Variants in TMTC3 observed in about 807,000 individuals in gnomAD.
TMTC3 encodes protein O-mannosyl-transferase TMTC3.
A neutral mutation model predicts 92.2 loss-of-function variants in TMTC3; 52 were observed. That is an observed-to-expected ratio of 0.56 (90% CI 0.45 to 0.71). The LOEUF (loss-of-function observed/expected upper bound fraction) is 0.71, where lower values mean the gene tolerates loss of function less well. TMTC3 is among the 30% of genes least tolerant of loss of function. The pLI is 0.00. For missense variants in TMTC3, 896 were observed against 1,057.1 expected, an observed-to-expected ratio of 0.85 and a Z score of 2.11; for synonymous variants, 339 against 363.3, an observed-to-expected ratio of 0.93 and a Z score of 0.76.
In TMTC3 at chr12:88,176,172, T is replaced by A. The variant is rs186150020; in HGVS notation, c.1321-36T>A. The A allele has an allele frequency of 8.3e-5, 118 of 1,418,680 alleles. 2 individuals are homozygous for A. In the Admixed American group the frequency reaches 2.2e-3, roughly 27 times the overall value. The allele number at this position is 1,418,680 out of a possible 1,614,324, so 87.9% of individuals were successfully genotyped here. On this transcript the variant is annotated intron_variant, in intron 9 of 13. Transcript: ENST00000266712. ...TGTATGAACTGGAGTCATTTTTTTTTAATTGTAACTTTTTCTATCTGTGCT... is the reference window on the plus strand; with the variant it reads ...TGTATGAACTGGAGTCATTTTTTTTAAATTGTAACTTTTTCTATCTGTGCT...
At chr12:88,179,187 A>G (rs2041290388) in intron 10 of TMTC3, among the ~76,000 whole-genome samples, 1 of 152,112 alleles carries the variant, frequency 6.6e-6, no homozygotes, top group South Asian at 2.1e-4. Flanking sequence ...GTGGCATCTG[A>G]GGTTTCTTGG....
At chr12:88,147,212 A>G (rs2040886930) in intron 1 of TMTC3, among the ~76,000 whole-genome samples, 1 of 152,104 alleles carries the variant, frequency 6.6e-6, no homozygotes, top group East Asian at 1.9e-4. Flanking sequence ...GTTGTTCCCA[A>G]GTATAACTTT....
chr12:88,183,628 G>A lies in TMTC3; in HGVS notation c.1433-5215G>A, dbSNP rs2041343256. On this transcript the variant is annotated intron_variant, in intron 10 of 13. Coordinates refer to ENST00000266712, the MANE Select transcript of TMTC3 (RefSeq NM_181783.4). ...CTTTTTAGGTTATTCTGTGTAGTGC[G>A]GGACCAAAGCAGCCCTAACTAAGGG... Among the ~76,000 whole-genome samples the A allele has an allele frequency of 3.3e-5, 5 of 152,206 alleles. No individual in the cohort carries two copies. In the South Asian group the frequency reaches 8.3e-4, roughly 25 times the overall value.
intron 1 of TMTC3, among the ~76,000 whole-genome samples, chr12:88,147,105 TATTTA>T (rs1212756824): frequency 6.6e-6 from 1 of 151,016 alleles, no homozygotes; most frequent in African/African-American, 2.4e-5. Flanking sequence ...TATTTTAAAT[TATTTA>T]ATTTAACAAT....
chr12:88,191,058 A>T (rs192239318), intron 12 of TMTC3, among the ~76,000 whole-genome samples: 3 of 152,206 alleles, frequency 2.0e-5, no homozygotes, highest in Admixed American at 6.5e-5. Flanking sequence ...AGCAAAAAAA[A>T]AAGTTTTCTG....
intron 2 of TMTC3, among the ~76,000 whole-genome samples, chr12:88,153,021 A>T (rs1211702518): frequency 6.6e-6 from 1 of 152,156 alleles, no homozygotes; most frequent in Non-Finnish European, 1.5e-5. Flanking sequence ...TTGAAGAGGA[A>T]TTAATTGTCA....
chr12:88,181,334 T>C lies in TMTC3; in HGVS notation c.1432+5015T>C, dbSNP rs180816836. On this transcript the variant is annotated intron_variant, in intron 10 of 13. Transcript: ENST00000266712. ...TTGTTTGCCATAACCGATTAGGTTC[T>C]AGTCCTCTAGGGTTAACACCTGTTG... Among the ~76,000 whole-genome samples the C allele has an allele frequency of 3.0e-4, 45 of 152,316 alleles. No homozygotes were observed. The East Asian group carries it at 7.3e-3, about 25-fold the overall frequency.
At chr12:88,152,959 C>G (rs1439647725) in intron 2 of TMTC3, among the ~76,000 whole-genome samples, 1 of 152,092 alleles carries the variant, frequency 6.6e-6, no homozygotes, top group Non-Finnish European at 1.5e-5. Context: ...GGAGAGAATC[C>G]TGTGCTCTAA....
intron 10 of TMTC3, among the ~76,000 whole-genome samples, chr12:88,184,775 AATAT>A (rs143465873): frequency 2.5e-4 from 37 of 151,006 alleles, no homozygotes; most frequent in East Asian, 3.9e-4. Flanking sequence ...ACCACATGTA[AATAT>A]ATATATATAT....
intron 7 of TMTC3, among the ~76,000 whole-genome samples, chr12:88,167,166 A>G (rs1458797543): frequency 6.6e-6 from 1 of 151,986 alleles, no homozygotes; most frequent in Admixed American, 6.6e-5. Context: ...AGGCCAAGGC[A>G]GGTGGATCAT....
At chr12:88,159,557 G>C (rs888024787) in intron 4 of TMTC3, among the ~76,000 whole-genome samples, 1 of 151,772 alleles carries the variant, frequency 6.6e-6, no homozygotes, top group Non-Finnish European at 1.5e-5. Flanking sequence ...TATTTGGGAG[G>C]CTGAGGCAGA....
At chr12:88,169,287 A>G (rs1331514702) in intron 7 of TMTC3, among the ~76,000 whole-genome samples, 2 of 152,166 alleles carry the variant, frequency 1.3e-5, no homozygotes, top group Non-Finnish European at 2.9e-5. Flanking sequence ...GTAAATACAG[A>G]CAAAAGAAAT....
At position 88,142,513 on chromosome 12, in the gene TMTC3, A is replaced by G. The variant is rs150033297; in HGVS notation, c.-29+26A>G. On this transcript the variant is annotated intron_variant, in intron 1 of 13. Transcript: ENST00000266712. ...GTGAGGTCGAGCTGTCGGTCAGCAT[A>G]TTGGGAGGAATTGAGGGGAGCAGTC... 1,518 of 152,652 alleles carry G rather than the reference A, an allele frequency of 9.9e-3. 11 individuals are homozygous for G. Among genetic ancestry groups the G allele is most frequent in the Non-Finnish European group, 0.016 (1,124 of 68,340 alleles). The allele number at this position is 152,652 out of a possible 1,614,324, so 9.5% of individuals were successfully genotyped here.
At chr12:88,174,247 C>CAATTAAGAATACTTTCTTT (rs2041234922) in intron 8 of TMTC3, among the ~76,000 whole-genome samples, 1 of 151,996 alleles carries the variant, frequency 6.6e-6, no homozygotes, top group Non-Finnish European at 1.5e-5. Context: ...AAGGTTGACC[C>CAATTAAGAATACTTTCTTT]CTTTCTAAAC....
rs1298907524 is a variant in TMTC3, at chr12:88,198,714, T to C, written c.*3065T>C. On this transcript the variant is annotated 3_prime_UTR_variant, in exon 14 of 14. Coordinates refer to ENST00000266712, the MANE Select transcript of TMTC3 (RefSeq NM_181783.4). ...GAACTCTCAACTTCATGTTACAGAA[T>C]GCTTTAAAGATGCTTTAATGAAAAG... 2.1e-5 allele frequency: 6 copies of C among 286,568 alleles called. No homozygotes were observed. Among genetic ancestry groups the C allele is most frequent in the Non-Finnish European group, 3.8e-5 (6 of 156,514 alleles). 17.8% of individuals were successfully genotyped at this position (286,568 alleles called of 1,614,324 possible). A position where few individuals can be genotyped will look rare whatever the true frequency, so the allele number is the denominator to read the frequency against.
At chr12:88,167,897 G>A (rs985077126) in intron 7 of TMTC3, among the ~76,000 whole-genome samples, 2 of 152,148 alleles carry the variant, frequency 1.3e-5, no homozygotes, top group African/African-American at 2.4e-5. Context: ...ATGTAGATGA[G>A]GTTATAGAGC....
At position 88,197,215 on chromosome 12, in the gene TMTC3, T is replaced by A. The variant is rs938148193; in HGVS notation, c.*1566T>A. 6.6e-6 allele frequency: 1 copy of A among 151,652 alleles called. No homozygotes were observed. Among genetic ancestry groups the A allele is most frequent in the African/African-American group, 2.4e-5 (1 of 41,264 alleles). 9.4% of individuals were successfully genotyped at this position (151,652 alleles called of 1,614,324 possible). ...TAGGTCATAAGATACAAGGTCTGCATTAGAAGACCCACTCTTACTAGGTTC... is the reference window on the plus strand; with the variant it reads ...TAGGTCATAAGATACAAGGTCTGCAATAGAAGACCCACTCTTACTAGGTTC... On this transcript the variant is annotated 3_prime_UTR_variant, in exon 14 of 14. Coordinates refer to ENST00000266712, the MANE Select transcript of TMTC3 (RefSeq NM_181783.4).
intron 2 of TMTC3, among the ~76,000 whole-genome samples, chr12:88,152,912 A>C (rs1487539328): frequency 6.6e-6 from 1 of 152,146 alleles, no homozygotes; most frequent in African/African-American, 2.4e-5. Flanking sequence ...TAGTTACATG[A>C]ACTTTTGTAT....
At chr12:88,176,146 CTG>C in intron 9 of TMTC3, 60 bp from the exon 10 acceptor site, 1 of 1,064,848 alleles carries the variant, frequency 9.4e-7, no homozygotes, top group South Asian at 1.5e-5. Context: ...AAACAAATAT[CTG>C]TATGAACTGG....
Sources: gnomAD v4.1 joint callset for allele counts (sites outside exome capture counted in the v4.1 genomes callset) on GRCh38, gnomAD v4.1.1 for gene constraint, MANE v1.5 for transcripts, NCBI Gene and HGNC (gene_info 2026-07-23, HGNC 2026-07-21) for gene names.